The following PHF24 variants were observed in gnomAD, a reference collection of about 807,000 sequenced individuals.
PHF24 encodes the protein PHD finger protein 24, also known as Galpha inhibitory interacting protein.
PHF24 carries 25 observed loss-of-function variants against 42.6 expected under a neutral mutation model. The ratio of observed to expected loss-of-function variants is 0.59; its 90% confidence interval spans 0.43 to 0.82. PHF24 has a LOEUF of 0.82. PHF24 is among the 40% of genes least tolerant of loss of function. The pLI, the probability that PHF24 is intolerant of heterozygous loss-of-function variation, is 0.00. For missense variants in PHF24, 470 were observed against 538.1 expected, an observed-to-expected ratio of 0.87 and a Z score of 1.25; for synonymous variants, 185 against 204.8, an observed-to-expected ratio of 0.90 and a Z score of 0.83.
At chr9:34,769,116 A>G in the PHF24 span, among the ~76,000 whole-genome samples, 35 of 152,296 alleles carry the variant, frequency 2.3e-4, no homozygotes, top group Non-Finnish European at 2.4e-4. Flanking sequence ...TCAAATATAT[A>G]AATGCAATCC....
chr9:34,805,892 G>C, the PHF24 span, among the ~76,000 whole-genome samples: 2 of 152,074 alleles, frequency 1.3e-5, no homozygotes, highest in African/African-American at 2.4e-5. Context: ...GTGAGGTAAG[G>C]GTCCAAATTC....
chr9:34,689,709 T>C, the PHF24 span: 1 of 1,299,952 alleles, frequency 7.7e-7, no homozygotes. This position sits in a 1 kb window ranked among gnomAD's most constrained non-coding sequence, Gnocchi z 4.1. Context: ...TCAGGTCTGG[T>C]GCAGAGGAGC....
chr9:34,925,704 T>C, the PHF24 span, among the ~76,000 whole-genome samples: 2 of 152,214 alleles, frequency 1.3e-5, no homozygotes, highest in African/African-American at 4.8e-5. Context: ...TTCATTGAAT[T>C]GTCTATCTGT....
the PHF24 span, among the ~76,000 whole-genome samples, chr9:34,759,301 A>C: frequency 6.6e-6 from 1 of 152,168 alleles, no homozygotes; most frequent in African/African-American, 2.4e-5. Flanking sequence ...AGAATTGTTC[A>C]AACAAGCCAA....
rs1285051039 is a variant in PHF24, at chr9:34,958,467, A to C, written c.-5+66A>C. The C allele has an allele frequency of 6.6e-6, 1 of 152,022 alleles. No homozygotes were observed. Among genetic ancestry groups the C allele is most frequent in the Admixed American group, 6.6e-5 (1 of 15,266 alleles). The allele number at this position is 152,022 out of a possible 1,614,324, so 9.4% of individuals were successfully genotyped here. ...GAGGGGCGGGTCTGCGGCCGCGGAC[A>C]GTCCTCCGGGACTCTGAGGTGCTTG... On this transcript the variant is annotated intron_variant, in intron 1 of 7. Transcript: ENST00000242315. The surrounding 1 kb of genome is among the most constrained non-coding windows in gnomAD (Gnocchi z 4.5).
chr9:34,847,834 C>T, the PHF24 span, among the ~76,000 whole-genome samples: 3 of 152,124 alleles, frequency 2.0e-5, no homozygotes, highest in Non-Finnish European at 2.9e-5. Context: ...TTGTCAAAGA[C>T]CTTTTCTGCA....
rs917702704 is a variant in PHF24, at chr9:34,958,679, A to T, written c.-5+278A>T. 1.2e-4 allele frequency among the ~76,000 whole-genome samples: 19 copies of T among 152,088 alleles called. No individual in the cohort carries two copies. The highest frequency in any genetic ancestry group is 4.3e-4 in the African/African-American group (18 of 41,502). ...CATAGGGAGCCCCAGCGTGGAGGGG[A>T]CTGGCCCCAGAGAGCCCTTCTGTGT... On this transcript the variant is annotated intron_variant, in intron 1 of 7. Transcript: ENST00000242315. This position sits in a 1 kb window ranked among gnomAD's most constrained non-coding sequence, Gnocchi z 4.5.
At chr9:34,798,121 T>G in the PHF24 span, among the ~76,000 whole-genome samples, 1 of 152,176 alleles carries the variant, frequency 6.6e-6, no homozygotes, top group Non-Finnish European at 1.5e-5. Flanking sequence ...CCAGATTTTG[T>G]TGGTGGTTAT....
At chr9:34,948,291 A>AT in the PHF24 span, among the ~76,000 whole-genome samples, 4 of 152,034 alleles carry the variant, frequency 2.6e-5, no homozygotes, top group East Asian at 5.8e-4. Flanking sequence ...GCTAAGGATA[A>AT]TTTTTTTTGA....
chr9:34,865,108 G>A, the PHF24 span, among the ~76,000 whole-genome samples: 1 of 148,124 alleles, frequency 6.8e-6, no homozygotes, highest in Non-Finnish European at 1.5e-5. Context: ...GAACCCGGGA[G>A]GCAGAGGTTG....
upstream of PHF24, among the ~76,000 whole-genome samples, chr9:34,954,515 G>T (rs568273697): frequency 2.0e-5 from 3 of 152,306 alleles, no homozygotes; most frequent in African/African-American, 7.2e-5. Context: ...AAGCAAAAAG[G>T]TTGCACAGAT....
chr9:34,774,942 C>T, the PHF24 span, among the ~76,000 whole-genome samples: 2 of 152,082 alleles, frequency 1.3e-5, no homozygotes, highest in Non-Finnish European at 2.9e-5. Context: ...AATTGGAACC[C>T]TGGTGCATTG....
At chr9:34,683,315 C>A in the PHF24 span, among the ~76,000 whole-genome samples, 19 of 152,322 alleles carry the variant, frequency 1.2e-4, no homozygotes, top group South Asian at 4.1e-4. Context: ...CCCGCCTTGG[C>A]CTCCCAAAGT....
the PHF24 span, chr9:34,680,987 AT>A: frequency 1.7e-4 from 26 of 152,226 alleles, no homozygotes; most frequent in Non-Finnish European, 4.4e-5. Flanking sequence ...GACGTTAGGT[AT>A]GGCTGTGTGA....
the PHF24 span, chr9:34,922,986 G>C: frequency 6.3e-6 from 6 of 953,178 alleles, no homozygotes; most frequent in Middle Eastern, 3.0e-4. Flanking sequence ...CTACCTGGGG[G>C]GTGCTGCTGG....
At chr9:34,864,137 A>G in the PHF24 span, among the ~76,000 whole-genome samples, 6 of 152,256 alleles carry the variant, frequency 3.9e-5, no homozygotes, top group African/African-American at 1.4e-4. Context: ...GCAATAAAGC[A>G]CATCTACAGG....
chr9:34,764,039 G>T, the PHF24 span, among the ~76,000 whole-genome samples: 2 of 151,910 alleles, frequency 1.3e-5, no homozygotes, highest in African/African-American at 4.8e-5. Flanking sequence ...TGCATCCCAG[G>T]GATGAAGCCC....
chr9:34,807,640 C>T, the PHF24 span, among the ~76,000 whole-genome samples: 95 of 152,088 alleles, frequency 6.2e-4, no homozygotes, highest in East Asian at 0.017. Flanking sequence ...CTTTAGAAGT[C>T]AGTATTCACA....
At chr9:34,854,520 T>C in the PHF24 span, among the ~76,000 whole-genome samples, 32 of 152,338 alleles carry the variant, frequency 2.1e-4, no homozygotes, top group African/African-American at 7.5e-4. Context: ...ATTTTTGCCT[T>C]AATTTCATTA....
Sources: allele counts gnomAD v4.1 joint callset (sites outside exome capture counted in the v4.1 genomes callset), GRCh38; gene constraint gnomAD v4.1.1; non-coding constraint Gnocchi (gnomAD v3.1); transcripts MANE v1.5; gene names NCBI Gene and HGNC (gene_info 2026-07-23, HGNC 2026-07-21).